ZNF438: variants seen among roughly 807,000 people sequenced by gnomAD.
ZNF438 encodes zinc finger protein 438.
A neutral mutation model predicts 38.0 loss-of-function variants in ZNF438; 25 were observed. The observed-to-expected ratio is 0.66, with a 90% CI of 0.48 to 0.92. The LOEUF (loss-of-function observed/expected upper bound fraction) is 0.92. ZNF438 is among the 40% of genes least tolerant of loss of function. ZNF438 has a pLI of 0.00. For synonymous variants in ZNF438, 372 were observed against 364.1 expected, an observed-to-expected ratio of 1.02 and a Z score of -0.25; for missense variants, 1,007 against 999.6, an observed-to-expected ratio of 1.01 and a Z score of -0.10.
chr10:30,893,635 T>C (rs1312292639), intron 3 of ZNF438, among the ~76,000 whole-genome samples: 1 of 152,196 alleles, frequency 6.6e-6, no homozygotes, highest in African/African-American at 2.4e-5. Context: ...TGCTCCTTTA[T>C]GTAAGATGAA....
chr10:30,873,506 T>C (rs1428867528), intron 4 of ZNF438, among the ~76,000 whole-genome samples: 1 of 152,242 alleles, frequency 6.6e-6, no homozygotes, highest in Non-Finnish European at 1.5e-5. Context: ...CTTGTACATA[T>C]ATGTTAATAT....
chr10:30,884,525 T>G (rs1428486489), intron 3 of ZNF438, among the ~76,000 whole-genome samples: 2 of 152,178 alleles, frequency 1.3e-5, no homozygotes, highest in Non-Finnish European at 2.9e-5. Context: ...TCATAGTTTA[T>G]AAGGAAAAAC....
chr10:30,845,544 A>C, exon 6 of ZNF438: 1 of 1,612,870 alleles, frequency 6.2e-7, no homozygotes, highest in Non-Finnish European at 8.5e-7. Flanking sequence ...GTTTAGAAGG[A>C]AGTCTTCTTC....
At chr10:31,001,209 CA>C (rs2054621492) in intron 1 of ZNF438, among the ~76,000 whole-genome samples, 1 of 152,068 alleles carries the variant, frequency 6.6e-6, no homozygotes, top group East Asian at 1.9e-4. Flanking sequence ...GGTAGATACT[CA>C]AAAAATGTTT....
chr10:30,934,256 C>A (rs1021545029), intron 2 of ZNF438, among the ~76,000 whole-genome samples: 5 of 152,104 alleles, frequency 3.3e-5, no homozygotes, highest in African/African-American at 1.2e-4. Flanking sequence ...ACTCAGGAAT[C>A]CAAGCCCAAA....
intron 4 of ZNF438, among the ~76,000 whole-genome samples, chr10:30,868,494 T>C (rs761215026): frequency 7.2e-5 from 11 of 152,214 alleles, no homozygotes; most frequent in Non-Finnish European, 1.5e-4. Context: ...ATAAATGTTT[T>C]TAGGATTTTG....
chr10:31,002,736 T>C (rs1419381225), intron 1 of ZNF438, among the ~76,000 whole-genome samples: 1 of 152,194 alleles, frequency 6.6e-6, no homozygotes, highest in Non-Finnish European at 1.5e-5. Context: ...TTCCCTTATA[T>C]AACAATACGG....
intron 1 of ZNF438, among the ~76,000 whole-genome samples, chr10:30,969,537 A>G (rs895404244): frequency 3.9e-5 from 6 of 152,240 alleles, no homozygotes; most frequent in Non-Finnish European, 7.3e-5. Context: ...AAAACAGAAC[A>G]GTGGGAAGGA....
chr10:30,974,905 T>G (rs1242071703), intron 1 of ZNF438, among the ~76,000 whole-genome samples: 1 of 152,166 alleles, frequency 6.6e-6, no homozygotes, highest in African/African-American at 2.4e-5. Context: ...AAAGGTCTCC[T>G]GCCTCCTCAG....
intron 2 of ZNF438, among the ~76,000 whole-genome samples, chr10:30,930,671 G>A (rs949285084): frequency 6.6e-6 from 1 of 151,622 alleles, no homozygotes; most frequent in Non-Finnish European, 1.5e-5. Flanking sequence ...GCCGGCCATG[G>A]TGGTGAGTGC....
rs566024662 is a variant in ZNF438, at chr10:31,029,828, G to A, written c.-192+2005C>T. Among the ~76,000 whole-genome samples, 15 of 152,310 alleles carry A rather than the reference G, an allele frequency of 9.8e-5. No homozygotes were observed. The South Asian group carries it at 3.1e-3, about 32-fold the overall frequency. ...TTGGCCACTACTTTCCCCGTTCCCG[G>A]CTGTGCTCTAAACACTCTCACTGTG... is the stretch of plus-strand genomic sequence containing the variant. On this transcript the variant is annotated intron_variant, in intron 1 of 5. Coordinates refer to ENST00000413025, the Ensembl canonical transcript of ZNF438.
chr10:30,890,594 T>C (rs1233751693), intron 3 of ZNF438, among the ~76,000 whole-genome samples: 1 of 152,212 alleles, frequency 6.6e-6, no homozygotes, highest in East Asian at 1.9e-4. Context: ...TGTATTACAA[T>C]AGCTCCTAAA....
intron 1 of ZNF438, among the ~76,000 whole-genome samples, chr10:31,001,685 T>A (rs1400419505): frequency 6.6e-6 from 1 of 152,208 alleles, no homozygotes; most frequent in Non-Finnish European, 1.5e-5. Flanking sequence ...GTTACAAAAT[T>A]TTGCCATAAG....
intron 1 of ZNF438, among the ~76,000 whole-genome samples, chr10:30,949,867 G>A (rs946214719): frequency 6.6e-6 from 1 of 151,924 alleles, no homozygotes; most frequent in Non-Finnish European, 1.5e-5. Context: ...GGATATCCAG[G>A]AATTGAACTC....
At chr10:30,845,150 G>A (rs1298647555) in exon 6 of ZNF438, 2 of 1,614,106 alleles carry the variant, frequency 1.2e-6, no homozygotes, top group African/African-American at 1.3e-5. Context: ...AGAGAAACGT[G>A]TGGAGGCCAG....
At position 30,972,127 on chromosome 10, in the gene ZNF438, G is replaced by A. The variant is rs1219174328; in HGVS notation, c.-191-30476C>T. 1.2e-4 allele frequency among the ~76,000 whole-genome samples: 16 copies of A among 128,550 alleles called. No homozygotes were observed. In the East Asian group the frequency reaches 1.6e-3, roughly 13 times the overall value. The allele number at this position is 128,550 out of a possible 152,430, so 84.3% of individuals were successfully genotyped here. ...TGGGACTACAGGTGCCCACCACCAC[G>A]CCTGGCTAATTTTTTGTATTTTTAG... On this transcript the variant is annotated intron_variant, in intron 1 of 5. Coordinates refer to ENST00000413025, the Ensembl canonical transcript of ZNF438.
At chr10:30,953,371 G>A (rs1177475745) in intron 1 of ZNF438, among the ~76,000 whole-genome samples, 1 of 151,512 alleles carries the variant, frequency 6.6e-6, no homozygotes, top group Admixed American at 6.6e-5. Context: ...CCTGCACAAT[G>A]TGCACATGTA....
chr10:30,993,832 G>A (rs2370388), intron 1 of ZNF438, among the ~76,000 whole-genome samples: 109,988 of 152,216 alleles, frequency 0.72, 40,280 homozygotes, highest in African/African-American at 0.8. Flanking sequence ...AAGCCACGGG[G>A]TGGAACCACT....
At chr10:31,027,920 A>G (rs1157292611) in intron 1 of ZNF438, among the ~76,000 whole-genome samples, 1 of 152,216 alleles carries the variant, frequency 6.6e-6, no homozygotes, top group East Asian at 1.9e-4. Flanking sequence ...GCAATTTTAT[A>G]TAATTCTTAC....
Sources: gnomAD v4.1 joint callset for allele counts (sites outside exome capture counted in the v4.1 genomes callset) on GRCh38, gnomAD v4.1.1 for gene constraint, MANE v1.5 for transcripts, NCBI Gene and HGNC (gene_info 2026-07-23, HGNC 2026-07-21) for gene names.